The following PTPRD variants were observed in gnomAD, a reference collection of about 807,000 sequenced individuals.
PTPRD encodes the protein receptor-type tyrosine-protein phosphatase delta.
PTPRD carries 34 observed loss-of-function variants against 214.5 expected under a neutral mutation model. The observed-to-expected ratio is 0.16, with a 90% confidence interval of 0.12 to 0.21. PTPRD has a LOEUF of 0.21. Among genes scored for constraint, PTPRD ranks in the 10% least tolerant of loss-of-function variants. The probability of loss-of-function intolerance (pLI) is 1.00; values close to 1 mark genes in which losing one functional copy is unlikely to be tolerated. For missense variants in PTPRD, 2,545 were observed against 2,398.7 expected, an observed-to-expected ratio of 1.06 and a Z score of -1.27; for synonymous variants, 1,128 against 845.7, an observed-to-expected ratio of 1.33 and a Z score of -5.79.
intron 8 of PTPRD, among the ~76,000 whole-genome samples, chr9:9,550,043 G>A (rs915565270): frequency 6.6e-6 from 1 of 151,952 alleles, no homozygotes; most frequent in Non-Finnish European, 1.5e-5. Context: ...ATGTTGCTGT[G>A]AATATATTTT....
intron 7 of PTPRD, among the ~76,000 whole-genome samples, chr9:9,695,315 C>T (rs1054299113): frequency 6.6e-6 from 1 of 152,122 alleles, no homozygotes; most frequent in Non-Finnish European, 1.5e-5. Flanking sequence ...AGCTGGTATC[C>T]ATGACATAAG....
At chr9:10,503,182 C>T (rs557438897) in intron 2 of PTPRD, among the ~76,000 whole-genome samples, 25 of 56,038 alleles carry the variant, frequency 4.5e-4, no homozygotes, top group Admixed American at 2.7e-3. Flanking sequence ...CATTGAGACA[C>T]AGCTGCAATA....
chr9:10,146,196 C>G (rs10958916), intron 3 of PTPRD, among the ~76,000 whole-genome samples: 25,072 of 150,122 alleles, frequency 0.17, 2,283 homozygotes, highest in South Asian at 0.33. Flanking sequence ...GATCTATGCA[C>G]ACATATATAC....
intron 11 of PTPRD, among the ~76,000 whole-genome samples, chr9:8,783,312 G>A (rs1258577924): frequency 6.6e-6 from 1 of 152,108 alleles, no homozygotes; most frequent in Non-Finnish European, 1.5e-5. Context: ...TTCCCACAAA[G>A]TTAAAGACTT....
intron 3 of PTPRD, among the ~76,000 whole-genome samples, chr9:10,085,447 G>C (rs553935877): frequency 6.6e-6 from 1 of 151,830 alleles, no homozygotes; most frequent in Non-Finnish European, 1.5e-5. Flanking sequence ...GTGACAGAAA[G>C]ATTGAGTTCT....
chr9:8,644,739 G>A (rs887993415), intron 12 of PTPRD, among the ~76,000 whole-genome samples: 8 of 152,174 alleles, frequency 5.3e-5, no homozygotes, highest in Admixed American at 1.3e-4. Context: ...ACCCGGAACC[G>A]CCCACCCCGT....
At chr9:10,222,762 A>G (rs968437078) in intron 3 of PTPRD, among the ~76,000 whole-genome samples, 1 of 152,090 alleles carries the variant, frequency 6.6e-6, no homozygotes, top group African/African-American at 2.4e-5. Flanking sequence ...GTTCTTCAGT[A>G]TATGAAAATA....
chr9:9,762,514 G>T (rs75047871), intron 6 of PTPRD, among the ~76,000 whole-genome samples: 1 of 152,142 alleles, frequency 6.6e-6, no homozygotes, highest in African/African-American at 2.4e-5. Context: ...GCAATCAAGA[G>T]GGACTAAGCC....
intron 4 of PTPRD, among the ~76,000 whole-genome samples, chr9:10,030,770 A>C (rs984661986): frequency 1.1e-4 from 17 of 152,218 alleles, no homozygotes. Flanking sequence ...TGGATTATTT[A>C]GTGAAGATAC....
chr9:10,167,966 C>G (rs35032760), intron 3 of PTPRD, among the ~76,000 whole-genome samples: 1 of 152,096 alleles, frequency 6.6e-6, no homozygotes, highest in Non-Finnish European at 1.5e-5. Context: ...GAGTTTCAAT[C>G]TGAACTGTAT....
chr9:8,727,727 G>A (rs938584814), intron 12 of PTPRD, among the ~76,000 whole-genome samples: 3 of 152,024 alleles, frequency 2.0e-5, no homozygotes, highest in Admixed American at 2.0e-4. Context: ...GTCATCCTAG[G>A]TCACTATGGC....
intron 2 of PTPRD, among the ~76,000 whole-genome samples, chr9:10,505,198 GT>G (rs771096940): frequency 2.0e-5 from 3 of 152,178 alleles, no homozygotes; most frequent in Non-Finnish European, 4.4e-5. Context: ...GATTAAGGTA[GT>G]CTAATTCAAA....
chr9:9,064,280 T>C (rs1472599459), intron 10 of PTPRD, among the ~76,000 whole-genome samples: 1 of 152,190 alleles, frequency 6.6e-6, no homozygotes, highest in East Asian at 1.9e-4. Flanking sequence ...GGATTAAAAA[T>C]ATGGATGTCA....
At chr9:10,316,156 TGTATATCTATGTATATATACATAG>T (rs2096419032) in intron 3 of PTPRD, among the ~76,000 whole-genome samples, 4 of 137,136 alleles carry the variant, frequency 2.9e-5, no homozygotes, top group Non-Finnish European at 6.1e-5. Flanking sequence ...TATGTATATA[TGTATATCTATGTATATATACATAG>T]ATATACATAT....
At chr9:8,547,738 G>C (rs918707506) in intron 14 of PTPRD, among the ~76,000 whole-genome samples, 2 of 150,676 alleles carry the variant, frequency 1.3e-5, no homozygotes, top group Non-Finnish European at 3.0e-5. Flanking sequence ...TGATAAAAAT[G>C]ATAAATATCA....
chr9:9,700,474 G>T (rs956108953), intron 7 of PTPRD, among the ~76,000 whole-genome samples: 2 of 151,906 alleles, frequency 1.3e-5, no homozygotes, highest in African/African-American at 4.8e-5. Flanking sequence ...CATGGTTTTG[G>T]AACCATACTA....
Position 9,684,363 on chromosome 9 carries a change from T to A in PTPRD, c.-287+50170A>T, listed in dbSNP as rs570699914. Among the ~76,000 whole-genome samples the A allele has an allele frequency of 2.2e-3, 336 of 151,762 alleles. 2 individuals carry two copies. Among genetic ancestry groups the A allele is most frequent in the Non-Finnish European group, 3.8e-3 (260 of 67,752 alleles). ...CAGATCCTATCAATGTTGGGTGCAT[T>A]TTCATTAATATTTTACTGAGGCATT... On this transcript the variant is annotated intron_variant, in intron 7 of 45. Transcript: ENST00000381196.
chr9:9,165,053 A>AAC (rs997858157), intron 10 of PTPRD, among the ~76,000 whole-genome samples: 5 of 124,042 alleles, frequency 4.0e-5, no homozygotes, highest in African/African-American at 1.8e-4. Flanking sequence ...CTCCATCTCA[A>AAC]AAAAAAAAAA....
At chr9:9,542,607 C>T (rs1289463744) in intron 8 of PTPRD, among the ~76,000 whole-genome samples, 1 of 151,290 alleles carries the variant, frequency 6.6e-6, no homozygotes, top group Non-Finnish European at 1.5e-5. Context: ...AAGAACTTGA[C>T]AAATCAATAA....
Sources: gnomAD v4.1 joint callset for allele counts (sites outside exome capture counted in the v4.1 genomes callset) on GRCh38, gnomAD v4.1.1 for gene constraint, MANE v1.5 for transcripts, NCBI Gene and HGNC (gene_info 2026-07-23, HGNC 2026-07-21) for gene names.